C11orf65: variants seen among roughly 807,000 people sequenced by gnomAD.
C11orf65 encodes the protein chromosome 11 open reading frame 65.
Under a neutral mutation model 35.3 loss-of-function variants are expected in C11orf65, and 38 were observed. The ratio of observed to expected loss-of-function variants is 1.08; its 90% CI spans 0.83 to 1.41. The LOEUF (loss-of-function observed/expected upper bound fraction) is 1.41. C11orf65 is among the 40% of genes most tolerant of loss of function. The probability of loss-of-function intolerance (pLI) is 0.00; values close to 1 mark genes in which losing one functional copy is unlikely to be tolerated. For missense variants in C11orf65, 370 were observed against 367.1 expected, an observed-to-expected ratio of 1.01 and a Z score of -0.06; for synonymous variants, 105 against 114.4, an observed-to-expected ratio of 0.92 and a Z score of 0.53.
At chr11:108,331,062 A>G (rs1565531347), downstream of C11orf65, 2 of 599,478 alleles carry the variant, frequency 3.3e-6, no homozygotes, top group South Asian at 1.0e-4. Flanking sequence ...GTATACACTA[A>G]ATATTACTTT....
chr11:108,357,114 A>G (rs1187003382), intron 2 of C11orf65, among the ~76,000 whole-genome samples: 1 of 152,214 alleles, frequency 6.6e-6, no homozygotes, highest in Non-Finnish European at 1.5e-5. Flanking sequence ...GAAGCAGGGC[A>G]AGGCATTGCC....
rs561057121 is a variant in C11orf65 at position 108,429,133 on chromosome 11, C to T, written c.174+2613G>A. 7.2e-5 allele frequency among the ~76,000 whole-genome samples: 11 copies of T among 151,830 alleles called. No individual in the cohort carries two copies. In the East Asian group the frequency reaches 1.4e-3, roughly 19 times the overall value. On this transcript the variant is annotated intron_variant, in intron 3 of 8. Transcript: ENST00000393084. ...CTATGCTCCAGCCTGGGAGACAGAACGAGACCCTGTCTCAAAAAAAGAAAA... is the reference window on the plus strand; with the variant it reads ...CTATGCTCCAGCCTGGGAGACAGAATGAGACCCTGTCTCAAAAAAAGAAAA...
At chr11:108,404,877 T>G (rs1422086759) in intron 6 of C11orf65, among the ~76,000 whole-genome samples, 1 of 152,234 alleles carries the variant, frequency 6.6e-6, no homozygotes, top group Admixed American at 6.5e-5. Flanking sequence ...TCGATCAGGC[T>G]GCTGGGAAAA....
At chr11:108,429,030 C>T (rs1318645719) in intron 3 of C11orf65, among the ~76,000 whole-genome samples, 1 of 152,052 alleles carries the variant, frequency 6.6e-6, no homozygotes, top group African/African-American at 2.4e-5. Flanking sequence ...GCCTGTTGCT[C>T]CAGCTACTTG....
At chr11:108,460,006 C>T (rs771704322) in intron 2 of C11orf65, among the ~76,000 whole-genome samples, 8 of 152,168 alleles carry the variant, frequency 5.3e-5, no homozygotes, top group South Asian at 2.1e-4. Context: ...TAACAGTGCT[C>T]GGCTATAGGG....
At chr11:108,347,404 A>G in intron 2 of C11orf65, 1 of 1,460,538 alleles carries the variant, frequency 6.8e-7, no homozygotes, top group Non-Finnish European at 9.6e-7. Flanking sequence ...TTTTTAGTAA[A>G]TATTTGGTCA....
intron 1 of C11orf65, among the ~76,000 whole-genome samples, chr11:108,466,017 C>T (rs868095089): frequency 6.0e-5 from 9 of 149,006 alleles, no homozygotes; most frequent in African/African-American, 1.2e-4. Flanking sequence ...CAACAAAAAA[C>T]GACAGATTCT....
chr11:108,393,266 C>A lies in C11orf65; in HGVS notation c.673G>T (p.Val225Leu). Residue 225 changes from valine to leucine, a missense_variant, in exon 7 of 9, where the codon GTG (valine) becomes TTG (leucine). Transcript: ENST00000393084. ...ACTTCATCCACTTCCCATTCCATCA[C>A]AGAATCTATCCCCCCATCTTCAAAA... ...RAFEDGGIDS[V>L]MEWEVDEVLN... is the part of the protein sequence containing the mutation. The A allele has an allele frequency of 1.2e-6, 2 of 1,614,076 alleles. No homozygotes were observed. Among genetic ancestry groups the A allele is most frequent in the Non-Finnish European group, 1.7e-6 (2 of 1,179,986 alleles).
chr11:108,386,146 A>C (rs1315757634), intron 7 of C11orf65, among the ~76,000 whole-genome samples, 171 bp from the exon 8 acceptor site: 1 of 152,226 alleles, frequency 6.6e-6, no homozygotes, highest in Non-Finnish European at 1.5e-5. Flanking sequence ...CATCCAGCTA[A>C]GAACCTTCAG....
chr11:108,385,264 G>T (rs1031557531), intron 8 of C11orf65, among the ~76,000 whole-genome samples: 20 of 151,998 alleles, frequency 1.3e-4, no homozygotes, highest in Admixed American at 6.5e-4. Context: ...TAGAGTCAGG[G>T]TTTCACCATG....
chr11:108,419,078 A>G (rs190885397), intron 3 of C11orf65, among the ~76,000 whole-genome samples: 1 of 152,296 alleles, frequency 6.6e-6, no homozygotes. Flanking sequence ...AATAACACTC[A>G]ATGTGAAAAA....
chr11:108,355,441 G>C (rs1410035364), intron 2 of C11orf65: 2 of 157,402 alleles, frequency 1.3e-5, no homozygotes, highest in South Asian at 1.9e-4. Flanking sequence ...GCCTTGTCTT[G>C]ATCCAGGGCA....
chr11:108,332,195 A>G (rs971682643), intron 3 of C11orf65, among the ~76,000 whole-genome samples: 63 of 152,300 alleles, frequency 4.1e-4, no homozygotes, highest in Non-Finnish European at 5.9e-4. Flanking sequence ...TGGGAGGCTG[A>G]GGCGGGTGGA....
chr11:108,325,949 G>A (rs1179264392), intron 6 of C11orf65: 3 of 1,339,898 alleles, frequency 2.2e-6, no homozygotes, highest in Non-Finnish European at 3.1e-6. Context: ...TCCCTGACAA[G>A]TAGTTAAGTC....
downstream of C11orf65, among the ~76,000 whole-genome samples, chr11:108,381,091 G>C (rs2091856815): frequency 6.6e-6 from 1 of 152,140 alleles, no homozygotes; most frequent in Non-Finnish European, 1.5e-5. Context: ...ATGCAGCTAG[G>C]TTGGAGCATT....
At chr11:108,330,072 C>T, downstream of C11orf65, 1 of 830,338 alleles carries the variant, frequency 1.2e-6, no homozygotes, top group Non-Finnish European at 1.9e-6. Flanking sequence ...TAAGTTTATT[C>T]CCTTTATAAT....
In C11orf65 at chr11:108,467,247, C is replaced by T. The variant is rs145714146; in HGVS notation, c.-10+224G>A. Among the ~76,000 whole-genome samples the T allele has an allele frequency of 1.7e-3, 263 of 152,150 alleles. 1 individual carries two copies. Among genetic ancestry groups the T allele is most frequent in the African/African-American group, 6.1e-3 (255 of 41,502 alleles). On this transcript the variant is annotated intron_variant, in intron 1 of 8. Transcript: ENST00000393084. ...ACTTCACCGAGGGCGAGGAAAGGAG[C>T]TCTGAGGAAGGGGTTACTCCCGGGC...
chr11:108,443,400 A>T (rs1011715511), intron 2 of C11orf65, among the ~76,000 whole-genome samples: 19 of 152,192 alleles, frequency 1.2e-4, no homozygotes. Flanking sequence ...CCCACTGTCA[A>T]CATGAGACAG....
downstream of C11orf65, among the ~76,000 whole-genome samples, chr11:108,381,248 C>T (rs1289676513): frequency 1.3e-5 from 2 of 152,090 alleles, no homozygotes; most frequent in Non-Finnish European, 2.9e-5. Flanking sequence ...CTCAGTGATC[C>T]CTTGGGAATT....
Sources: allele counts gnomAD v4.1 joint callset (sites outside exome capture counted in the v4.1 genomes callset), GRCh38; gene constraint gnomAD v4.1.1; transcripts MANE v1.5; gene names NCBI Gene and HGNC (gene_info 2026-07-23, HGNC 2026-07-21).